The following MYOF variants were observed in gnomAD, a reference collection of about 807,000 sequenced individuals.
MYOF encodes myoferlin.
MYOF carries 244 observed loss-of-function variants against 284.2 expected under a neutral mutation model. That is an observed-to-expected ratio of 0.86 (90% confidence interval 0.77 to 0.95). The LOEUF (loss-of-function observed/expected upper bound fraction) is 0.95. Ranked by LOEUF, MYOF falls within the 40% of genes least tolerant of loss-of-function variation. The pLI is 0.00. For missense variants in MYOF, 2,496 were observed against 2,560.6 expected (o/e 0.97, Z 0.54); for synonymous variants, 904 against 919.7 (o/e 0.98, Z 0.31).
At chr10:93,395,922 G>A (rs1564681018) in intron 16 of MYOF, among the ~76,000 whole-genome samples, 1 of 148,994 alleles carries the variant, frequency 6.7e-6, no homozygotes, top group Non-Finnish European at 1.5e-5. Flanking sequence ...TACAATATAT[G>A]CATACTAGAT....
At chr10:93,462,755 G>C (rs769677526) in intron 1 of MYOF, among the ~76,000 whole-genome samples, 4 of 149,212 alleles carry the variant, frequency 2.7e-5, no homozygotes, top group Non-Finnish European at 5.9e-5. Flanking sequence ...AAAAAAAGTA[G>C]ATAAATTATT....
intron 26 of MYOF, among the ~76,000 whole-genome samples, chr10:93,365,016 C>T (rs373819312): frequency 6.6e-6 from 1 of 152,178 alleles, no homozygotes; most frequent in South Asian, 2.1e-4. Context: ...TACCCTTTCC[C>T]TGTCCTCACT....
At chr10:93,417,719 A>G (rs1848192197) in intron 5 of MYOF, among the ~76,000 whole-genome samples, 2 of 151,978 alleles carry the variant, frequency 1.3e-5, no homozygotes, top group South Asian at 4.2e-4. Context: ...AGGGAGGGGG[A>G]TCCCTGTTAG....
intron 1 of MYOF, among the ~76,000 whole-genome samples, chr10:93,473,838 C>T (rs907429359): frequency 6.6e-6 from 1 of 152,124 alleles, no homozygotes; most frequent in Non-Finnish European, 1.5e-5. Flanking sequence ...TGAGGAAATG[C>T]TCCCCCATTT....
At chr10:93,460,152 G>A (rs2056840079) in intron 1 of MYOF, among the ~76,000 whole-genome samples, 1 of 152,142 alleles carries the variant, frequency 6.6e-6, no homozygotes, top group African/African-American at 2.4e-5. Flanking sequence ...CTCCAACCAG[G>A]GAGCCAAGGC....
rs1362339114 is a variant in MYOF at position 93,428,198 on chromosome 10, T to A, written c.346-2040A>T. Among the ~76,000 whole-genome samples, 7 of 1,144 alleles carry A rather than the reference T, an allele frequency of 6.1e-3. No individual in the cohort carries two copies. In the South Asian group the frequency reaches 0.33, roughly 54 times the overall value. 0.8% of individuals were successfully genotyped at this position (1,144 alleles called of 152,430 possible). On this transcript the variant is annotated intron_variant, in intron 4 of 53. Transcript: ENST00000359263. ...GAAATTATTCGTTTTTTATGTGAAT[T>A]TTTTTTTTTTTTTTTTGAGACAGAG... is the stretch of plus-strand genomic sequence containing the variant.
At chr10:93,354,666 A>ACACTCTCTCTCTCTCTCTCTCTCTCTCT (rs1554844078) in intron 31 of MYOF, among the ~76,000 whole-genome samples, 1 of 119,236 alleles carries the variant, frequency 8.4e-6, no homozygotes, top group Non-Finnish European at 1.8e-5. Flanking sequence ...TCACACATTC[A>ACACTCTCTCTCTCTCTCTCTCTCTCTCT]CTCTCTCTCT....
intron 28 of MYOF, 49 bp downstream of exon 28, chr10:93,361,403 C>A: frequency 6.3e-7 from 1 of 1,575,094 alleles, no homozygotes; most frequent in East Asian, 2.2e-5. Context: ...CCTGGTTAAC[C>A]AAGGCCCTGC....
intron 5 of MYOF, among the ~76,000 whole-genome samples, chr10:93,413,169 C>A (rs145404180): frequency 1.3e-5 from 2 of 152,132 alleles, no homozygotes; most frequent in Non-Finnish European, 2.9e-5. Flanking sequence ...GGACTCTGGA[C>A]AAGTACTTAT....
At chr10:93,472,999 T>C (rs992544336) in intron 1 of MYOF, among the ~76,000 whole-genome samples, 2 of 152,242 alleles carry the variant, frequency 1.3e-5, no homozygotes, top group East Asian at 1.9e-4. Flanking sequence ...CTGTGAGGTA[T>C]AGATTATTCT....
intron 3 of MYOF, among the ~76,000 whole-genome samples, chr10:93,432,013 G>A (rs548321693): frequency 4.5e-4 from 68 of 152,222 alleles, no homozygotes; most frequent in African/African-American, 1.6e-3. Context: ...TTCCCAAAGT[G>A]CTGGGATTAC....
At chr10:93,476,343 C>G (rs1485964628) in intron 1 of MYOF, among the ~76,000 whole-genome samples, 1 of 148,338 alleles carries the variant, frequency 6.7e-6, no homozygotes, top group Non-Finnish European at 1.5e-5. Context: ...CCTCCGCCTC[C>G]CAGGTCCAAG....
chr10:93,428,857 CACAG>C (rs2134206492), intron 4 of MYOF, among the ~76,000 whole-genome samples: 1 of 152,296 alleles, frequency 6.6e-6, no homozygotes, highest in African/African-American at 2.4e-5. Flanking sequence ...TAGAAGAACA[CACAG>C]ACAACCACCC....
intron 25 of MYOF, 26 bp from the exon 26 acceptor site, chr10:93,366,581 G>A (rs1360508816): frequency 6.4e-7 from 1 of 1,574,084 alleles, no homozygotes; most frequent in Non-Finnish European, 8.6e-7. Flanking sequence ...TAAAATTGGA[G>A]AAACACCATC....
intron 12 of MYOF, 109 bp downstream of exon 12, chr10:93,401,309 G>A (rs1847282040): frequency 6.9e-7 from 1 of 1,459,622 alleles, no homozygotes; most frequent in East Asian, 2.3e-5. Flanking sequence ...AGCCCTTTCA[G>A]AAGAAAAACA....
chr10:93,359,802 C>T lies in MYOF; in HGVS notation c.3120+31G>A, dbSNP rs772117546. The T allele has an allele frequency of 3.3e-5, 54 of 1,612,614 alleles. No homozygotes were observed. In the East Asian group the frequency reaches 1.1e-3, roughly 34 times the overall value. ...TTGTAGTCAGGAGGGCAGAGCTCCC[C>T]AGTCCAGCTCCCTTCCCTTGCTTCT... On this transcript the variant is annotated intron_variant, in intron 29 of 53. Transcript: ENST00000359263.
Position 93,310,020 on chromosome 10 carries a change from C to T in MYOF, c.6147G>A (p.Pro2049=), listed in dbSNP as rs200131714. Residue 2049 remains proline, a splice_region_variant and synonymous_variant, in exon 53 of 54, where the codon CCG becomes CCA. Transcript: ENST00000359263. ...CAAGGGGCCAAGGAAGGGCTCCTAC[C>T]GGCAAAGAGTAGAGGAGCACGGCCA... ...LFVAVLLYSL[P]NYLSMKIVKP... 153 of 1,613,860 alleles carry T rather than the reference C, an allele frequency of 9.5e-5. No individual in the cohort carries two copies. Among genetic ancestry groups the T allele is most frequent in the Middle Eastern group, 3.3e-4 (2 of 6,072 alleles).
At chr10:93,435,406 T>TC (rs1305602872) in intron 3 of MYOF, among the ~76,000 whole-genome samples, 7 of 152,208 alleles carry the variant, frequency 4.6e-5, no homozygotes, top group Admixed American at 4.6e-4. Flanking sequence ...TTTGTGATCA[T>TC]CAAAAACTTC....
At chr10:93,332,415 T>C (rs1478565387) in intron 43 of MYOF, among the ~76,000 whole-genome samples, 2 of 150,982 alleles carry the variant, frequency 1.3e-5, no homozygotes, top group Non-Finnish European at 3.0e-5. Flanking sequence ...AGAGATGGGG[T>C]TTCACCAGGT....
Sources: gnomAD v4.1 joint callset for allele counts (sites outside exome capture counted in the v4.1 genomes callset) on GRCh38, gnomAD v4.1.1 for gene constraint, MANE v1.5 for transcripts, NCBI Gene and HGNC (gene_info 2026-07-23, HGNC 2026-07-21) for gene names.